PATJ: variants seen among roughly 807,000 people sequenced by gnomAD.
The protein encoded by PATJ is PATJ crumbs cell polarity complex component.
Under a neutral mutation model 224.9 loss-of-function variants are expected in PATJ, and 190 were observed. The ratio of observed to expected loss-of-function variants is 0.84; its 90% CI spans 0.75 to 0.95. The LOEUF (loss-of-function observed/expected upper bound fraction) is 0.95. Ranked by LOEUF, PATJ falls within the 40% of genes least tolerant of loss-of-function variation. The probability of loss-of-function intolerance (pLI) is 0.00; values close to 1 mark genes in which losing one functional copy is unlikely to be tolerated. For synonymous variants in PATJ, 769 were observed against 820.3 expected (o/e 0.94, Z 1.07); for missense variants, 2,121 against 2,270.3 (o/e 0.93, Z 1.34).
chr1:62,035,032 G>A (rs17122955), intron 29 of PATJ, among the ~76,000 whole-genome samples: 1,806 of 152,278 alleles, frequency 0.012, 38 homozygotes, highest in African/African-American at 0.041. Flanking sequence ...TTGGCTTTCG[G>A]CCCTAAGCTG....
intron 41 of PATJ, among the ~76,000 whole-genome samples, chr1:62,136,640 A>G (rs1666903554): frequency 7.5e-6 from 1 of 133,982 alleles, no homozygotes; most frequent in Non-Finnish European, 1.6e-5. Context: ...GAGGATTTTT[A>G]TGTTTTGCGT....
At chr1:61,823,226 G>A in intron 15 of PATJ, 147 bp downstream of exon 15, 1 of 710,600 alleles carries the variant, frequency 1.4e-6, no homozygotes. Flanking sequence ...CAGCTTACTG[G>A]ATGATAAAGG....
chr1:61,788,699 A>AGTTTTGCT (rs1165275049), intron 8 of PATJ, among the ~76,000 whole-genome samples: 1 of 151,812 alleles, frequency 6.6e-6, no homozygotes, highest in Non-Finnish European at 1.5e-5. Context: ...TTTGAGATGG[A>AGTTTTGCT]GTTTTGCTCT....
chr1:61,752,611 C>G (rs956169891), intron 1 of PATJ, among the ~76,000 whole-genome samples: 19 of 152,140 alleles, frequency 1.2e-4, no homozygotes, highest in African/African-American at 2.4e-5. Flanking sequence ...CAGGGGTGAG[C>G]CACCGCGCCT....
intron 11 of PATJ, among the ~76,000 whole-genome samples, chr1:61,799,281 C>T (rs1038886807): frequency 6.6e-6 from 1 of 152,144 alleles, no homozygotes. Context: ...CAACTTCCAC[C>T]TCCTGTGTTC....
chr1:61,787,226 C>T (rs1216701909), intron 7 of PATJ, among the ~76,000 whole-genome samples: 1 of 152,328 alleles, frequency 6.6e-6, no homozygotes, highest in Non-Finnish European at 1.5e-5. Flanking sequence ...CTGCTCGATG[C>T]CTTCTCTTCC....
At chr1:62,099,347 C>CT (rs71050197) in intron 33 of PATJ, among the ~76,000 whole-genome samples, 1,890 of 55,672 alleles carry the variant, frequency 0.034, 171 homozygotes, top group Non-Finnish European at 0.049. Flanking sequence ...ATATCTCCAA[C>CT]TTTTTTTTTT....
At chr1:61,899,099 A>G (rs564726835) in intron 22 of PATJ, among the ~76,000 whole-genome samples, 1 of 152,326 alleles carries the variant, frequency 6.6e-6, no homozygotes, top group South Asian at 2.1e-4. Flanking sequence ...AGTTCCATAT[A>G]AGTACGCAAA....
At chr1:61,889,026 G>A (rs925878555) in intron 22 of PATJ, among the ~76,000 whole-genome samples, 2 of 152,132 alleles carry the variant, frequency 1.3e-5, no homozygotes, top group East Asian at 3.9e-4. Context: ...TAATCTTTAA[G>A]GGTATGCCCC....
chr1:62,128,981 C>A, intron 41 of PATJ, 36 bp downstream of exon 41: 1 of 1,388,512 alleles, frequency 7.2e-7, no homozygotes, highest in Non-Finnish European at 1.0e-6. Flanking sequence ...CTGTGCAAGG[C>A]AGATAAGTGG....
chr1:62,139,067 G>A (rs539342614), intron 41 of PATJ, among the ~76,000 whole-genome samples: 12 of 151,880 alleles, frequency 7.9e-5, no homozygotes, highest in South Asian at 2.1e-4. Context: ...AGAACCTTTC[G>A]CAGAAGTTTA....
chr1:62,063,046 A>G lies in PATJ; in HGVS notation c.4125+11988A>G, dbSNP rs577155253. 2.2e-3 allele frequency among the ~76,000 whole-genome samples: 328 copies of G among 152,242 alleles called. 3 individuals carry two copies. The highest frequency in any genetic ancestry group is 7.5e-3 in the African/African-American group (311 of 41,550). ...CTTGTCAATTTTTGTTTTGGTTGCA[A>G]TTGTTTTTGAGCACTCAGTTACAAA... On this transcript the variant is annotated intron_variant, in intron 31 of 43. Transcript: ENST00000642238.
Position 62,062,392 on chromosome 1 carries a change from C to CTTTTTTTTTTTTTT in PATJ, c.4125+11348_4125+11361dup. On this transcript the variant is annotated intron_variant, in intron 31 of 43. Transcript: ENST00000642238. ...TGGTTGGCTGCTTCTATGTTGTCTT[C>CTTTTTTTTTTTTTT]TTTTTTTTTTTTTTTTTTTTTTTTT... Among the ~76,000 whole-genome samples the CTTTTTTTTTTTTTT allele has an allele frequency of 2.9e-3, 82 of 28,486 alleles. 5 individuals are homozygous for CTTTTTTTTTTTTTT. The highest frequency in any genetic ancestry group is 9.1e-3 in the East Asian group (8 of 882). 18.7% of individuals were successfully genotyped at this position (28,486 alleles called of 152,430 possible).
intron 31 of PATJ, chr1:62,072,624 G>A (rs1384023597): frequency 6.6e-6 from 1 of 151,742 alleles, no homozygotes; most frequent in East Asian, 1.9e-4. Flanking sequence ...CTAAAAAGGG[G>A]TGAACCAGCC....
intron 18 of PATJ, among the ~76,000 whole-genome samples, chr1:61,858,264 AC>A (rs938065891): frequency 4.6e-5 from 7 of 151,912 alleles, no homozygotes; most frequent in African/African-American, 1.5e-4. Context: ...ACAGAGCCAT[AC>A]TTTTTTTTCT....
rs1174691621 is a variant in PATJ at position 62,086,167 on chromosome 1, C to T, written c.4377+1519C>T. On this transcript the variant is annotated intron_variant, in intron 33 of 43. Transcript: ENST00000642238. This position sits in a 1 kb window ranked among gnomAD's most constrained non-coding sequence, Gnocchi z 4.0. The stretch of plus-strand genomic sequence containing the variant: ...CCTTTTGTTTATCACTGCTCAGTAG[C>T]GCCATTAAAATGAAAACTTTTCCTG... 6.6e-6 allele frequency among the ~76,000 whole-genome samples: 1 copy of T among 151,080 alleles called. No individual in the cohort carries two copies. Among genetic ancestry groups the T allele is most frequent in the Admixed American group, 6.6e-5 (1 of 15,208 alleles).
chr1:62,084,757 A>G (rs2148757649), intron 33 of PATJ, 109 bp downstream of exon 33: 1 of 1,062,796 alleles, frequency 9.4e-7, no homozygotes, highest in East Asian at 2.4e-5. Flanking sequence ...TAGTATGAGG[A>G]GAAAATGTGA....
At chr1:61,916,268 A>G (rs2149242150) in intron 26 of PATJ, among the ~76,000 whole-genome samples, 1 of 152,300 alleles carries the variant, frequency 6.6e-6, no homozygotes, top group Middle Eastern at 3.4e-3. Flanking sequence ...CATTTCATAT[A>G]GAACCTTTTA....
intron 12 of PATJ, among the ~76,000 whole-genome samples, chr1:61,803,109 T>C (rs1245969838): frequency 6.6e-6 from 1 of 152,186 alleles, no homozygotes; most frequent in Non-Finnish European, 1.5e-5. Flanking sequence ...TAGATATAGT[T>C]TTAGAAGTAT....
Sources: allele counts gnomAD v4.1 joint callset (sites outside exome capture counted in the v4.1 genomes callset), GRCh38; gene constraint gnomAD v4.1.1; non-coding constraint Gnocchi (gnomAD v3.1); transcripts MANE v1.5; gene names NCBI Gene and HGNC (gene_info 2026-07-23, HGNC 2026-07-21).